The following FEM1B variants were observed in gnomAD, a reference collection of about 807,000 sequenced individuals.
FEM1B encodes fem-1 homolog B.
Under a neutral mutation model 38.6 loss-of-function variants are expected in FEM1B, and 10 were observed. That is an observed-to-expected ratio of 0.26 (90% CI 0.16 to 0.44). The LOEUF (loss-of-function observed/expected upper bound fraction) is 0.44, where lower values mean the gene tolerates loss of function less well. Ranked by LOEUF, FEM1B falls within the 20% of genes least tolerant of loss-of-function variation. The pLI is 1.00. For missense variants in FEM1B, 471 were observed against 786.7 expected, an observed-to-expected ratio of 0.60 and a Z score of 4.80; for synonymous variants, 288 against 288.0, an observed-to-expected ratio of 1.00 and a Z score of 0.00.
In FEM1B at chr15:68,290,435, A is replaced by G. The variant is rs2140245966; in HGVS notation, c.1077A>G (p.Glu359=). The stretch of plus-strand genomic sequence containing the variant: ...GAGCTGTTTATGCGGATAATATGGA[A>G]TTTGAGCAGTGTATCAAGTTGTGGC... The part of the protein sequence containing the change: ...YRGAVYADNM[E]FEQCIKLWLH... The change falls in exon 2 of 2, where the codon GAA becomes GAG. Residue 359 remains glutamate (E), a synonymous_variant. Transcript: ENST00000306917. The surrounding 1 kb of genome is among the most constrained non-coding windows in gnomAD (Gnocchi z 9.7). The G allele has an allele frequency of 6.2e-7, 1 of 1,614,152 alleles. No homozygotes were observed. Among genetic ancestry groups the G allele is most frequent in the Non-Finnish European group, 8.5e-7 (1 of 1,179,992 alleles).
At chr15:68,287,566 TG>T (rs1892803010) in intron 1 of FEM1B, among the ~76,000 whole-genome samples, 3 of 152,348 alleles carry the variant, frequency 2.0e-5, no homozygotes, top group African/African-American at 7.2e-5. Context: ...TAAAGGGTAT[TG>T]TTTTTTGTGG....
rs1374193874 is a variant in FEM1B, at chr15:68,290,988, A to G, written c.1630A>G (p.Arg544Gly). ...CCTTCATATTATCGTTCAGTACAACAGGCCCATCAGTGATTTTTTGACCTT... is the reference window on the plus strand; with the variant it reads ...CCTTCATATTATCGTTCAGTACAACGGGCCCATCAGTGATTTTTTGACCTT... Reference protein sequence around the residue: ...SALHIIVQYNRPISDFLTLHS... With the variant: ...SALHIIVQYNGPISDFLTLHS... Residue 544 changes from arginine to glycine, a missense_variant, in exon 2 of 2, where the codon AGG becomes GGG. Arg to Gly is a moderately radical substitution (Grantham distance 125). Coordinates refer to ENST00000306917, the MANE Select transcript of FEM1B (RefSeq NM_015322.5). This position sits in a 1 kb window ranked among gnomAD's most constrained non-coding sequence, Gnocchi z 9.7. The G allele has an allele frequency of 6.2e-7, 1 of 1,614,216 alleles. No homozygotes were observed.
chr15:68,283,928 G>A (rs181265233), intron 1 of FEM1B, among the ~76,000 whole-genome samples: 8 of 146,308 alleles, frequency 5.5e-5, no homozygotes, highest in African/African-American at 2.0e-4. Context: ...TCTTGTTGCC[G>A]AGGCTAAAGT....
Position 68,281,865 on chromosome 15 carries a change from C to T in FEM1B, c.248+3200C>T, listed in dbSNP as rs1378786514. Among the ~76,000 whole-genome samples the T allele has an allele frequency of 1.3e-5, 2 of 152,198 alleles. No homozygotes were observed. The highest frequency in any genetic ancestry group is 3.8e-4 in the East Asian group (2 of 5,196). On this transcript the variant is annotated intron_variant, in intron 1 of 1. Coordinates refer to ENST00000306917, the MANE Select transcript of FEM1B (RefSeq NM_015322.5). This position sits in a 1 kb window ranked among gnomAD's most constrained non-coding sequence, Gnocchi z 5.1. ...TCCTGACCTCGTGATCCGCATGCCT[C>T]GGCCTCCCTAAGTGCTGGGATTACA...
rs1250170539 is a variant in FEM1B at position 68,293,439 on chromosome 15, AT to A, written c.*2199del. The A allele has an allele frequency of 1.3e-5, 2 of 152,220 alleles. No homozygotes were observed. The highest frequency in any genetic ancestry group is 2.9e-5 in the Non-Finnish European group (2 of 68,040). 9.4% of individuals were successfully genotyped at this position (152,220 alleles called of 1,614,324 possible). ...GCTTATTTATAAAATGAGAATAATGATTATATGTACATATTCAGACATCAAA... is the reference window on the plus strand; with the variant it reads ...GCTTATTTATAAAATGAGAATAATGATATATGTACATATTCAGACATCAAA... On this transcript the variant is annotated 3_prime_UTR_variant, in exon 2 of 2. Transcript: ENST00000306917. This position sits in a 1 kb window ranked among gnomAD's most constrained non-coding sequence, Gnocchi z 5.8.
At position 68,290,365 on chromosome 15, in the gene FEM1B, T is replaced by C; in HGVS notation, c.1007T>C (p.Leu336Ser). Reference protein sequence around the residue: ...MEGLIVRERILGADNIDVSHP... With the variant: ...MEGLIVRERISGADNIDVSHP... ...GGCCTTATAGTTCGGGAACGGATTT[T>C]AGGTGCTGACAATATTGATGTTTCT... is the stretch of plus-strand genomic sequence containing the variant. The change falls in exon 2 of 2, where the codon TTA (leucine) becomes TCA (serine). Residue 336 changes from leucine (L) to serine (S), a missense_variant. By Grantham distance (145) the Leu-to-Ser change is moderately radical. This residue lies in a region of FEM1B where 380 missense variants were observed against 599.6 expected (regional missense o/e 0.63). Coordinates refer to ENST00000306917, the MANE Select transcript of FEM1B (RefSeq NM_015322.5). The surrounding 1 kb of genome is among the most constrained non-coding windows in gnomAD (Gnocchi z 9.7). The C allele has an allele frequency of 2.5e-6, 4 of 1,614,216 alleles. No homozygotes were observed. Among genetic ancestry groups the C allele is most frequent in the East Asian group, 2.2e-5 (1 of 44,892 alleles).
rs1892861882 is a variant in FEM1B at position 68,292,869 on chromosome 15, G to C, written c.*1627G>C. 1 of 151,974 alleles carries C rather than the reference G, an allele frequency of 6.6e-6. No individual in the cohort carries two copies. The highest frequency in any genetic ancestry group is 6.6e-5 in the Admixed American group (1 of 15,264). The allele number at this position is 151,974 out of a possible 1,614,324, so 9.4% of individuals were successfully genotyped here. ...ATGAAATATTTTGAAGGATGGGAGGGGACAGAAGGGGGGACTATCCCCCAA... is the reference window on the plus strand; with the variant it reads ...ATGAAATATTTTGAAGGATGGGAGGCGACAGAAGGGGGGACTATCCCCCAA... On this transcript the variant is annotated 3_prime_UTR_variant, in exon 2 of 2. Transcript: ENST00000306917.
Position 68,281,225 on chromosome 15 carries a change from C to A in FEM1B, c.248+2560C>A, listed in dbSNP as rs190698288. On this transcript the variant is annotated intron_variant, in intron 1 of 1. Coordinates refer to ENST00000306917, the MANE Select transcript of FEM1B (RefSeq NM_015322.5). This position sits in a 1 kb window ranked among gnomAD's most constrained non-coding sequence, Gnocchi z 5.1. ...CATAGCCAGCACTTGAGACACATGG[C>A]CATATAGGGATTAACAGCTGTGTGC... 3.3e-4 allele frequency among the ~76,000 whole-genome samples: 50 copies of A among 152,296 alleles called. No homozygotes were observed. Among genetic ancestry groups the A allele is most frequent in the African/African-American group, 1.1e-3 (47 of 41,558 alleles).
At chr15:68,286,474 T>TCA (rs58268546) in intron 1 of FEM1B, among the ~76,000 whole-genome samples, 3,021 of 149,692 alleles carry the variant, frequency 0.02, 50 homozygotes, top group Middle Eastern at 0.079. Context: ...CCTCTTGGAC[T>TCA]CACACACACA....
At position 68,294,805 on chromosome 15, in the gene FEM1B, A is replaced by C. The variant is rs1230034680; in HGVS notation, c.*3563A>C. ...CATGACTATTCTGTTTTTCTCACTG[A>C]CTATATAACATTAAAAAGGGGTTAA... On this transcript the variant is annotated 3_prime_UTR_variant, in exon 2 of 2. Coordinates refer to ENST00000306917, the MANE Select transcript of FEM1B (RefSeq NM_015322.5). This position sits in a 1 kb window ranked among gnomAD's most constrained non-coding sequence, Gnocchi z 4.4. 1 of 151,912 alleles carries C rather than the reference A, an allele frequency of 6.6e-6. No homozygotes were observed. 9.4% of individuals were successfully genotyped at this position (151,912 alleles called of 1,614,324 possible). A position where few individuals can be genotyped will look rare whatever the true frequency, so the allele number is the denominator to read the frequency against.
rs757277752 is a variant in FEM1B, at chr15:68,289,018, TTTCTC to T, written c.249-588_249-584del. 4.3e-4 allele frequency among the ~76,000 whole-genome samples: 66 copies of T among 152,292 alleles called. No homozygotes were observed. Among genetic ancestry groups the T allele is most frequent in the Non-Finnish European group, 8.2e-4 (56 of 67,974 alleles). On this transcript the variant is annotated intron_variant, in intron 1 of 1. Coordinates refer to ENST00000306917, the MANE Select transcript of FEM1B (RefSeq NM_015322.5). The surrounding 1 kb of genome is among the most constrained non-coding windows in gnomAD (Gnocchi z 6.9). ...TATGTGCTGTGTTCATCTGACTTCTTTTCTCAGCATCAGGTTTATGTTATCTGTTC... is the reference window on the plus strand; with the variant it reads ...TATGTGCTGTGTTCATCTGACTTCTTAGCATCAGGTTTATGTTATCTGTTC...
At position 68,284,011 on chromosome 15, in the gene FEM1B, G is replaced by A. The variant is rs1250924877; in HGVS notation, c.248+5346G>A. 2.0e-5 allele frequency among the ~76,000 whole-genome samples: 3 copies of A among 151,270 alleles called. No homozygotes were observed. The highest frequency in any genetic ancestry group is 4.9e-5 in the African/African-American group (2 of 41,164). The stretch of plus-strand genomic sequence containing the variant: ...AGCAATTCTTCTGCCTCAGCCTCCC[G>A]AGTAGCTGGGATTACAGACATGCGC... On this transcript the variant is annotated intron_variant, in intron 1 of 1. Transcript: ENST00000306917. This position sits in a 1 kb window ranked among gnomAD's most constrained non-coding sequence, Gnocchi z 4.4.
At position 68,291,288 on chromosome 15, in the gene FEM1B, G is replaced by A; in HGVS notation, c.*46G>A. On this transcript the variant is annotated 3_prime_UTR_variant, in exon 2 of 2. Transcript: ENST00000306917. This position sits in a 1 kb window ranked among gnomAD's most constrained non-coding sequence, Gnocchi z 6.9. Reference sequence around the variant, plus strand: ...GTTTAATGTGGTGCTAAAAAGTAAAGGACTTTTAATCACAGACAGTAGAAT... The same window carrying A: ...GTTTAATGTGGTGCTAAAAAGTAAAAGACTTTTAATCACAGACAGTAGAAT... The A allele has an allele frequency of 7.1e-7, 1 of 1,403,396 alleles. No homozygotes were observed. The highest frequency in any genetic ancestry group is 9.7e-7 in the Non-Finnish European group (1 of 1,029,544). The allele number at this position is 1,403,396 out of a possible 1,614,324, so 86.9% of individuals were successfully genotyped here.
In FEM1B at chr15:68,289,903, C is replaced by T. The variant is rs753839082; in HGVS notation, c.545C>T (p.Ala182Val). 3.1e-6 allele frequency: 5 copies of T among 1,613,884 alleles called. No individual in the cohort carries two copies. Among genetic ancestry groups the T allele is most frequent in the Admixed American group, 1.7e-5 (1 of 59,982 alleles). The change falls in exon 2 of 2, where the codon GCC (alanine) becomes GTC (valine). Residue 182 changes from alanine to valine, a missense_variant. By Grantham distance (64) the Ala-to-Val change is moderately conservative. Transcript: ENST00000306917. The surrounding 1 kb of genome is among the most constrained non-coding windows in gnomAD (Gnocchi z 6.9). ...TTAGAACAACGTGCTGATCCCAATGCCAAAGCACATTGTGGAGCCACAGCA... is the reference window on the plus strand; with the variant it reads ...TTAGAACAACGTGCTGATCCCAATGTCAAAGCACATTGTGGAGCCACAGCA... ...YLLEQRADPN[A>V]KAHCGATALH...
chr15:68,290,269 A>C lies in FEM1B; in HGVS notation c.911A>C (p.Asn304Thr). The C allele has an allele frequency of 6.2e-7, 1 of 1,614,120 alleles. No individual in the cohort carries two copies. Among genetic ancestry groups the C allele is most frequent in the Non-Finnish European group, 8.5e-7 (1 of 1,180,028 alleles). Residue 304 changes from asparagine (N) to threonine (T), a missense_variant, in exon 2 of 2, where the codon AAT becomes ACT. This residue lies in a region of FEM1B where 380 missense variants were observed against 599.6 expected (regional missense o/e 0.63). Coordinates refer to ENST00000306917, the MANE Select transcript of FEM1B (RefSeq NM_015322.5). This position sits in a 1 kb window ranked among gnomAD's most constrained non-coding sequence, Gnocchi z 9.7. The stretch of plus-strand genomic sequence containing the variant: ...CTTCCACCAATCCATGCTTATGGGA[A>C]TAGAACTGAATGTAGAAATCCTCAG... ...EVLPPIHAYG[N>T]RTECRNPQEL...
In FEM1B at chr15:68,278,564, C is replaced by T. The variant is rs150312899; in HGVS notation, c.147C>T (p.Pro49=). 2.0e-5 allele frequency: 33 copies of T among 1,614,044 alleles called. No individual in the cohort carries two copies. The African/African-American group carries it at 2.4e-4, about 12-fold the overall frequency. The change falls in exon 1 of 2, where the codon CCC becomes CCT. Residue 49 remains proline, a synonymous_variant. Coordinates refer to ENST00000306917, the MANE Select transcript of FEM1B (RefSeq NM_015322.5). This position sits in a 1 kb window ranked among gnomAD's most constrained non-coding sequence, Gnocchi z 5.7. ...VSQQGGQRST[P]LIIAARNGHA... is the part of the protein sequence containing the mutation. ...AGCAGGGAGGGCAGCGCTCCACGCCCCTCATCATCGCAGCCCGCAATGGAC... is the reference window on the plus strand; with the variant it reads ...AGCAGGGAGGGCAGCGCTCCACGCCTCTCATCATCGCAGCCCGCAATGGAC...
In FEM1B at chr15:68,291,304, A is replaced by G. The variant is rs1892845204; in HGVS notation, c.*62A>G. The G allele has an allele frequency of 1.6e-6, 2 of 1,257,646 alleles. No homozygotes were observed. Among genetic ancestry groups the G allele is most frequent in the Non-Finnish European group, 2.2e-6 (2 of 900,744 alleles). 77.9% of individuals were successfully genotyped at this position (1,257,646 alleles called of 1,614,324 possible). The stretch of plus-strand genomic sequence containing the variant: ...AAAAGTAAAGGACTTTTAATCACAG[A>G]CAGTAGAATTATGTGTTCATAAATT... On this transcript the variant is annotated 3_prime_UTR_variant, in exon 2 of 2. Transcript: ENST00000306917. This position sits in a 1 kb window ranked among gnomAD's most constrained non-coding sequence, Gnocchi z 6.9.
In FEM1B at chr15:68,294,946, A is replaced by C. The variant is rs1264826517; in HGVS notation, c.*3704A>C. On this transcript the variant is annotated 3_prime_UTR_variant, in exon 2 of 2. Coordinates refer to ENST00000306917, the MANE Select transcript of FEM1B (RefSeq NM_015322.5). This position sits in a 1 kb window ranked among gnomAD's most constrained non-coding sequence, Gnocchi z 4.4. ...CTTTGTTCTGGATGTCATCTCTTGA[A>C]AGTAGAAAACTCCTATGTGTTTATC... 1 of 152,202 alleles carries C rather than the reference A, an allele frequency of 6.6e-6. No individual in the cohort carries two copies. The highest frequency in any genetic ancestry group is 1.5e-5 in the Non-Finnish European group (1 of 68,034). 9.4% of individuals were successfully genotyped at this position (152,202 alleles called of 1,614,324 possible). A position where few individuals can be genotyped will look rare whatever the true frequency, so the allele number is the denominator to read the frequency against.
chr15:68,282,933 G>A (rs923246051), intron 1 of FEM1B, among the ~76,000 whole-genome samples: 1 of 152,134 alleles, frequency 6.6e-6, no homozygotes, highest in African/African-American at 2.4e-5. Flanking sequence ...TGTTTCTGAA[G>A]GACCAGTCTT....
Sources: allele counts gnomAD v4.1 joint callset (sites outside exome capture counted in the v4.1 genomes callset), GRCh38; gene constraint gnomAD v4.1.1; regional missense constraint gnomAD v4.1.1; non-coding constraint Gnocchi (gnomAD v3.1); transcripts MANE v1.5; gene names NCBI Gene and HGNC (gene_info 2026-07-23, HGNC 2026-07-21).